The following RBFOX1 variants were observed in gnomAD, a reference collection of about 807,000 sequenced individuals.
The protein encoded by RBFOX1 is RNA binding fox-1 homolog 1.
Under a neutral mutation model 57.7 loss-of-function variants are expected in RBFOX1, and 8 were observed. The ratio of observed to expected loss-of-function variants is 0.14; its 90% CI spans 0.08 to 0.25. RBFOX1 has a LOEUF of 0.25. Ranked by LOEUF, RBFOX1 falls within the 10% of genes least tolerant of loss-of-function variation. The pLI, the probability that RBFOX1 is intolerant of heterozygous loss-of-function variation, is 1.00. For missense variants in RBFOX1, 611 were observed against 548.5 expected (o/e 1.11, Z -1.14); for synonymous variants, 326 against 222.4 (o/e 1.47, Z -4.15).
chr16:7,249,699 C>T (rs553717213), intron 4 of RBFOX1, among the ~76,000 whole-genome samples: 1 of 151,838 alleles, frequency 6.6e-6, no homozygotes, highest in Non-Finnish European at 1.5e-5. Flanking sequence ...ATTTTTGGCA[C>T]AGTCCCAATT....
At chr16:7,229,654 G>GAAGCAAGA (rs2093364623) in intron 4 of RBFOX1, among the ~76,000 whole-genome samples, 1 of 109,454 alleles carries the variant, frequency 9.1e-6, no homozygotes, top group Non-Finnish European at 2.1e-5. Context: ...GGAGAGAGAG[G>GAAGCAAGA]GAGGAAGGGC....
chr16:6,304,005 T>A (rs980369961), intron 1 of RBFOX1, among the ~76,000 whole-genome samples: 3 of 150,874 alleles, frequency 2.0e-5, no homozygotes, highest in Non-Finnish European at 4.4e-5. Context: ...AGAATCGGGG[T>A]TTCACCATGT....
chr16:6,847,133 C>T (rs527442499), intron 3 of RBFOX1, among the ~76,000 whole-genome samples: 1 of 152,152 alleles, frequency 6.6e-6, no homozygotes, highest in Non-Finnish European at 1.5e-5. Context: ...GATGGTTCAT[C>T]CACTCCTGTC....
intron 4 of RBFOX1, among the ~76,000 whole-genome samples, chr16:7,301,171 T>C (rs1448927719): frequency 6.6e-6 from 1 of 152,240 alleles, no homozygotes; most frequent in East Asian, 1.9e-4. Flanking sequence ...GATATGATGC[T>C]ACCATTTGAT....
intron 1 of RBFOX1, among the ~76,000 whole-genome samples, chr16:6,229,833 A>C (rs947234935): frequency 2.0e-5 from 3 of 152,098 alleles, no homozygotes; most frequent in African/African-American, 4.8e-5. Flanking sequence ...GGTGGTCTTT[A>C]AAATTAAGAG....
intron 4 of RBFOX1, among the ~76,000 whole-genome samples, chr16:7,187,508 T>G (rs1567623954): frequency 6.6e-6 from 1 of 150,762 alleles, no homozygotes; most frequent in Non-Finnish European, 1.5e-5. Flanking sequence ...GCTAACACAG[T>G]GAAACCCCAT....
chr16:7,119,435 G>C (rs952399712), intron 4 of RBFOX1, among the ~76,000 whole-genome samples: 7 of 152,108 alleles, frequency 4.6e-5, no homozygotes, highest in Admixed American at 1.3e-4. Flanking sequence ...TACTTTGGCA[G>C]ACAGAACTAG....
chr16:7,127,519 CTT>C (rs2151917637), intron 4 of RBFOX1, among the ~76,000 whole-genome samples: 2 of 152,154 alleles, frequency 1.3e-5, no homozygotes, highest in East Asian at 3.9e-4. Flanking sequence ...ACTTACAGGT[CTT>C]TTGGTATATG....
chr16:7,327,372 G>C (rs908091106), intron 4 of RBFOX1, among the ~76,000 whole-genome samples: 3 of 152,324 alleles, frequency 2.0e-5, no homozygotes, highest in Middle Eastern at 6.8e-3. Flanking sequence ...ACAGGGTAAA[G>C]TGAGGAATAT....
At chr16:7,073,367 C>T (rs375315365) in intron 4 of RBFOX1, among the ~76,000 whole-genome samples, 2 of 152,168 alleles carry the variant, frequency 1.3e-5, no homozygotes, top group African/African-American at 4.8e-5. Flanking sequence ...CTAAGAAGAT[C>T]TTCCCAACAA....
chr16:5,462,450 G>A (rs1267814043), intron 1 of RBFOX1, among the ~76,000 whole-genome samples: 2 of 152,040 alleles, frequency 1.3e-5, no homozygotes, highest in Non-Finnish European at 2.9e-5. Context: ...TTACAGGCGT[G>A]AGCCACCGCG....
intron 2 of RBFOX1, among the ~76,000 whole-genome samples, chr16:6,511,790 C>T (rs1258118961): frequency 6.6e-6 from 1 of 152,196 alleles, no homozygotes; most frequent in Non-Finnish European, 1.5e-5. Flanking sequence ...TCAAATTCTA[C>T]TAGTGGCTTT....
intron 3 of RBFOX1, among the ~76,000 whole-genome samples, chr16:6,905,095 G>A (rs139568787): frequency 2.5e-4 from 38 of 152,230 alleles, no homozygotes; most frequent in African/African-American, 9.1e-4. Context: ...CTGGGAGTCA[G>A]TGTTGTTAAA....
chr16:6,758,440 A>G (rs551552041), intron 3 of RBFOX1, among the ~76,000 whole-genome samples: 10 of 152,292 alleles, frequency 6.6e-5, no homozygotes, highest in South Asian at 2.1e-4. Flanking sequence ...ACAAATTACA[A>G]TTGAACCCAG....
chr16:6,993,436 C>T (rs999498411), intron 3 of RBFOX1, among the ~76,000 whole-genome samples: 2 of 152,132 alleles, frequency 1.3e-5, no homozygotes, highest in Non-Finnish European at 2.9e-5. Context: ...AAATGCATTG[C>T]TGGCTGAGGG....
intron 3 of RBFOX1, among the ~76,000 whole-genome samples, chr16:7,020,145 C>T (rs4786135): frequency 0.43 from 65,099 of 151,942 alleles, 17,471 homozygotes; most frequent in South Asian, 0.62. Context: ...GCGGCGTACC[C>T]GGGGACTCTT....
chr16:7,664,090 G>A (rs77973890), intron 12 of RBFOX1, among the ~76,000 whole-genome samples: 3 of 152,258 alleles, frequency 2.0e-5, no homozygotes, highest in East Asian at 1.9e-4. Context: ...TATAATTTAC[G>A]TGAACATGCA....
At chr16:6,503,386 G>C (rs569647381) in intron 2 of RBFOX1, among the ~76,000 whole-genome samples, 12 of 152,204 alleles carry the variant, frequency 7.9e-5, no homozygotes, top group African/African-American at 2.9e-4. Flanking sequence ...GCTTTTGCTG[G>C]TAACAAACAA....
intron 4 of RBFOX1, among the ~76,000 whole-genome samples, chr16:7,089,852 C>G (rs534831672): frequency 2.0e-5 from 3 of 152,040 alleles, no homozygotes; most frequent in African/African-American, 7.2e-5. Flanking sequence ...TGGGCACTAC[C>G]TTCCTTTCCT....
Sources: allele counts gnomAD v4.1 joint callset (sites outside exome capture counted in the v4.1 genomes callset), GRCh38; gene constraint gnomAD v4.1.1; transcripts MANE v1.5; gene names NCBI Gene and HGNC (gene_info 2026-07-23, HGNC 2026-07-21).